MLYCD: variants seen among roughly 807,000 people sequenced by gnomAD.
MLYCD encodes malonyl-CoA decarboxylase, also known as malonyl-CoA decarboxylase, mitochondrial.
MLYCD carries 27 observed loss-of-function variants against 35.8 expected under a neutral mutation model. The observed-to-expected ratio is 0.75, with a 90% CI of 0.56 to 1.04. MLYCD has a LOEUF of 1.04. Ranked by LOEUF, MLYCD falls within the 50% of genes least tolerant of loss-of-function variation. The pLI is 0.00. For synonymous variants in MLYCD, 403 were observed against 302.4 expected (o/e 1.33, Z -3.45); for missense variants, 917 against 665.1 (o/e 1.38, Z -4.17).
At position 83,911,204 on chromosome 16, in the gene MLYCD, T is replaced by C. The variant is rs185228548; in HGVS notation, c.799-1014T>C. On this transcript the variant is annotated intron_variant, in intron 3 of 4. Coordinates refer to ENST00000262430, the MANE Select transcript of MLYCD (RefSeq NM_012213.3). ...CGTGTTAGCCAGGGTGGTCTCGATC[T>C]CCTGACCTCGTGATCTGCCCGCCTC... Among the ~76,000 whole-genome samples the C allele has an allele frequency of 4.4e-3, 666 of 152,234 alleles. 5 individuals carry two copies. The highest frequency in any genetic ancestry group is 0.015 in the African/African-American group (639 of 41,554).
Position 83,908,177 on chromosome 16 carries a change from T to C in MLYCD, c.693T>C (p.Val231=). Reference sequence around the variant, plus strand: ...ACTGGATGGACATGAAGCGCCGCGTTGGGCCCTACAGAAGGTGTTACTTCT... The same window carrying C: ...ACTGGATGGACATGAAGCGCCGCGTCGGGCCCTACAGAAGGTGTTACTTCT... The part of the protein sequence containing the change: ...VKNWMDMKRR[V]GPYRRCYFFS... Residue 231 remains valine (V), a synonymous_variant, in exon 3 of 5, where the codon GTT becomes GTC. Coordinates refer to ENST00000262430, the MANE Select transcript of MLYCD (RefSeq NM_012213.3). The C allele has an allele frequency of 6.2e-7, 1 of 1,614,234 alleles. No individual in the cohort carries two copies. Among genetic ancestry groups the C allele is most frequent in the Non-Finnish European group, 8.5e-7 (1 of 1,180,050 alleles).
intron 1 of MLYCD, among the ~76,000 whole-genome samples, chr16:83,900,238 C>G (rs1047392766): frequency 6.6e-6 from 1 of 152,192 alleles, no homozygotes; most frequent in African/African-American, 2.4e-5. Context: ...GGGCATTTAA[C>G]TCCCTGCGTT....
rs200924673 is a variant in MLYCD, at chr16:83,913,823, C to T, written c.949-1133C>T. The T allele has an allele frequency of 1.8e-4, 20 of 113,842 alleles. No individual in the cohort carries two copies. In the East Asian group the frequency reaches 4.5e-3, roughly 25 times the overall value. 7.1% of individuals were successfully genotyped at this position (113,842 alleles called of 1,614,324 possible). A position where few individuals can be genotyped will look rare whatever the true frequency, so the allele number is the denominator to read the frequency against. On this transcript the variant is annotated intron_variant, in intron 4 of 4. Transcript: ENST00000262430. Reference sequence around the variant, plus strand: ...AGTCTCAAAAAAAAAAAAAAAAAAACAGTGGTTCGGGGTGGGGGAAAAACC... The same window carrying T: ...AGTCTCAAAAAAAAAAAAAAAAAAATAGTGGTTCGGGGTGGGGGAAAAACC...
At position 83,915,994 on chromosome 16, in the gene MLYCD, A is replaced by G. The variant is rs1371806692; in HGVS notation, c.*505A>G. The G allele has an allele frequency of 7.9e-6, 8 of 1,010,466 alleles. No homozygotes were observed. Among genetic ancestry groups the G allele is most frequent in the Admixed American group, 5.1e-5 (1 of 19,580 alleles). 62.6% of individuals were successfully genotyped at this position (1,010,466 alleles called of 1,614,324 possible). ...GGGCTGTGCTACACTTCCCAGTTAC[A>G]TTCTGAAGCTCATAAATGTATGAGA... On this transcript the variant is annotated 3_prime_UTR_variant, in exon 5 of 5. Transcript: ENST00000262430.
chr16:83,906,355 C>T (rs1300114962), intron 1 of MLYCD, among the ~76,000 whole-genome samples: 2 of 152,194 alleles, frequency 1.3e-5, no homozygotes, highest in African/African-American at 2.4e-5. Flanking sequence ...CATGCTGTTG[C>T]ACTCCAGCCT....
intron 3 of MLYCD, among the ~76,000 whole-genome samples, chr16:83,909,317 A>G (rs1381664232): frequency 6.6e-6 from 1 of 152,134 alleles, no homozygotes; most frequent in African/African-American, 2.4e-5. Context: ...AAGGGTGGGG[A>G]TGATAACCTA....
At chr16:83,908,507 T>A (rs781611087) in intron 3 of MLYCD, among the ~76,000 whole-genome samples, 1 of 152,206 alleles carries the variant, frequency 6.6e-6, no homozygotes, top group Non-Finnish European at 1.5e-5. Flanking sequence ...TTCATCTGGC[T>A]GTGTTGATCT....
chr16:83,906,004 G>A (rs1208333922), intron 1 of MLYCD, among the ~76,000 whole-genome samples: 1 of 152,164 alleles, frequency 6.6e-6, no homozygotes, highest in Non-Finnish European at 1.5e-5. Flanking sequence ...AAATAAGTGA[G>A]GCAAAATTAG....
Position 83,899,284 on chromosome 16 carries a change from C to G in MLYCD, c.140C>G (p.Ala47Gly), listed in dbSNP as rs1443165612. The G allele has an allele frequency of 3.3e-5, 48 of 1,472,856 alleles. No individual in the cohort carries two copies. The highest frequency in any genetic ancestry group is 4.0e-5 in the Non-Finnish European group (45 of 1,117,844). The allele number at this position is 1,472,856 out of a possible 1,614,324, so 91.2% of individuals were successfully genotyped here. The change falls in exon 1 of 5, where the codon GCG becomes GGG. Residue 47 changes from alanine to glycine, a missense_variant. Transcript: ENST00000262430. ...GCCATGGACGAGCTGCTGCGCCGCG[C>G]GGTGCCGCCGACGCCGGCCTACGAG... ...ERAMDELLRR[A>G]VPPTPAYELR...
In MLYCD at chr16:83,919,091, CACACAGTGCACAGAACACAG is replaced by C. The variant is rs1359447441; in HGVS notation, c.*3616_*3635del. On this transcript the variant is annotated 3_prime_UTR_variant, in exon 5 of 5. Coordinates refer to ENST00000262430, the MANE Select transcript of MLYCD (RefSeq NM_012213.3). ...AACACAGTGCACAGGAGAACACGCA[CACACAGTGCACAGAACACAG>C]ACACAGTGCACAGGAGAACACACAG... The C allele has an allele frequency of 6.6e-6, 1 of 150,406 alleles. No individual in the cohort carries two copies. The highest frequency in any genetic ancestry group is 6.6e-5 in the Admixed American group (1 of 15,080). The allele number at this position is 150,406 out of a possible 1,614,324, so 9.3% of individuals were successfully genotyped here.
Position 83,899,140 on chromosome 16 carries a change from G to C in MLYCD, c.-5G>C, listed in dbSNP as rs1442165029. 1 of 1,132,538 alleles carries C rather than the reference G, an allele frequency of 8.8e-7. No individual in the cohort carries two copies. Among genetic ancestry groups the C allele is most frequent in the South Asian group, 3.8e-5 (1 of 26,662 alleles). The allele number at this position is 1,132,538 out of a possible 1,614,324, so 70.2% of individuals were successfully genotyped here. On this transcript the variant is annotated 5_prime_UTR_variant, in exon 1 of 5. Transcript: ENST00000262430. ...GCTCCCCCTCGGCAGCTGTTGTGGGGCACCATGCGAGGCTTCGGGCCAGGC... is the reference window on the plus strand; with the variant it reads ...GCTCCCCCTCGGCAGCTGTTGTGGGCCACCATGCGAGGCTTCGGGCCAGGC...
In MLYCD at chr16:83,919,999, ACAG is replaced by A. The variant is rs1434970324; in HGVS notation, c.*4511_*4513del. On this transcript the variant is annotated 3_prime_UTR_variant, in exon 5 of 5. Transcript: ENST00000262430. Reference sequence around the variant, plus strand: ...GAACACACGCAGTGCACAGGACACAACAGAACACACGTGCACAGGAGAACACAG... The same window carrying A: ...GAACACACGCAGTGCACAGGACACAAAACACACGTGCACAGGAGAACACAG... 7.2e-6 allele frequency: 1 copy of A among 139,702 alleles called. No homozygotes were observed. The highest frequency in any genetic ancestry group is 1.5e-5 in the Non-Finnish European group (1 of 67,976). The allele number at this position is 139,702 out of a possible 1,614,324, so 8.7% of individuals were successfully genotyped here. A position where few individuals can be genotyped will look rare whatever the true frequency, so the allele number is the denominator to read the frequency against.
chr16:83,911,606 T>C (rs1358692928), intron 3 of MLYCD: 1 of 155,676 alleles, frequency 6.4e-6, no homozygotes, highest in Non-Finnish European at 1.4e-5. Context: ...GCTCGTTTCT[T>C]AGAATGCCTC....
Position 83,918,165 on chromosome 16 carries a change from C to T in MLYCD, c.*2676C>T, listed in dbSNP as rs1382031199. On this transcript the variant is annotated 3_prime_UTR_variant, in exon 5 of 5. Coordinates refer to ENST00000262430, the MANE Select transcript of MLYCD (RefSeq NM_012213.3). ...CTCTTTAGGTCAAATGTAACCCTCC[C>T]GGTTTTATTTATCACTCAGGCAGAG... 4 of 152,370 alleles carry T rather than the reference C, an allele frequency of 2.6e-5. No homozygotes were observed. Among genetic ancestry groups the T allele is most frequent in the Non-Finnish European group, 2.9e-5 (2 of 68,040 alleles). 9.4% of individuals were successfully genotyped at this position (152,370 alleles called of 1,614,324 possible).
rs1246902516 is a variant in MLYCD, at chr16:83,926,809, G to T, written c.*11320G>T. ...CAGATGGATCCCAGTCTGGGTCCTC[G>T]CAAGCGCTGTGCACCCCGTCGCCGC... is the stretch of plus-strand genomic sequence containing the variant. On this transcript the variant is annotated 3_prime_UTR_variant, in exon 5 of 5. Coordinates refer to ENST00000262430, the MANE Select transcript of MLYCD (RefSeq NM_012213.3). 1 of 152,186 alleles carries T rather than the reference G, an allele frequency of 6.6e-6. No individual in the cohort carries two copies. The highest frequency in any genetic ancestry group is 1.5e-5 in the Non-Finnish European group (1 of 68,060). The allele number at this position is 152,186 out of a possible 1,614,324, so 9.4% of individuals were successfully genotyped here. A position where few individuals can be genotyped will look rare whatever the true frequency, so the allele number is the denominator to read the frequency against.
chr16:83,907,824 A>G (rs1907035251), intron 2 of MLYCD, among the ~76,000 whole-genome samples: 1 of 152,184 alleles, frequency 6.6e-6, no homozygotes, highest in Non-Finnish European at 1.5e-5. Context: ...GTTCAACACC[A>G]AGCGTTTGAT....
Position 83,923,365 on chromosome 16 carries a change from A to G in MLYCD, c.*7876A>G, listed in dbSNP as rs954490273. The G allele has an allele frequency of 1.3e-5, 2 of 152,214 alleles. No homozygotes were observed. The highest frequency in any genetic ancestry group is 4.8e-5 in the African/African-American group (2 of 41,536). The allele number at this position is 152,214 out of a possible 1,614,324, so 9.4% of individuals were successfully genotyped here. The stretch of plus-strand genomic sequence containing the variant: ...AGAAATATGAAGTCCATTTTGATCT[A>G]CTCTTAGAAACAAAAGCTGCCCATG... On this transcript the variant is annotated 3_prime_UTR_variant, in exon 5 of 5. Transcript: ENST00000262430.
rs146141589 is a variant in MLYCD at position 83,908,029 on chromosome 16, G to A, written c.642-97G>A. On this transcript the variant is annotated intron_variant, in intron 2 of 4. Transcript: ENST00000262430. ...AGAGTCCATTAAAGCTCTATTTAAA[G>A]AACTTGTTTGACTTAGACGAATAGT... is the stretch of plus-strand genomic sequence containing the variant. 287 of 1,490,616 alleles carry A rather than the reference G, an allele frequency of 1.9e-4. 1 individual carries two copies. In the African/African-American group the frequency reaches 2.9e-3, roughly 15 times the overall value. 92.3% of individuals were successfully genotyped at this position (1,490,616 alleles called of 1,614,324 possible).
In MLYCD at chr16:83,915,187, C is replaced by T. The variant is rs767761325; in HGVS notation, c.1180C>T (p.Leu394=). The part of the protein sequence containing the change: ...WVQSEKLVRA[L]QTPLMRLCAW... The stretch of plus-strand genomic sequence containing the variant: ...GCAGTCGGAGAAGCTGGTGCGGGCG[C>T]TGCAGACTCCGCTGATGAGGCTGTG... Residue 394 remains leucine (L), a synonymous_variant, in exon 5 of 5, where the codon CTG becomes TTG. Coordinates refer to ENST00000262430, the MANE Select transcript of MLYCD (RefSeq NM_012213.3). The T allele has an allele frequency of 1.2e-6, 2 of 1,613,994 alleles. No individual in the cohort carries two copies. The highest frequency in any genetic ancestry group is 2.7e-5 in the African/African-American group (2 of 74,958).
Sources: gnomAD v4.1 joint callset for allele counts (sites outside exome capture counted in the v4.1 genomes callset) on GRCh38, gnomAD v4.1.1 for gene constraint, MANE v1.5 for transcripts, NCBI Gene and HGNC (gene_info 2026-07-23, HGNC 2026-07-21) for gene names.